LMBRD1: variants seen among roughly 807,000 people sequenced by gnomAD.
The protein encoded by LMBRD1 is lysosomal cobalamin transport escort protein LMBD1.
Under a neutral mutation model 74.8 loss-of-function variants are expected in LMBRD1, and 64 were observed. That is an observed-to-expected ratio of 0.86 (90% CI 0.70 to 1.05). The LOEUF (loss-of-function observed/expected upper bound fraction) is 1.05. Among genes scored for constraint, LMBRD1 ranks in the 50% least tolerant of loss-of-function variants. The pLI is 0.00. For missense variants in LMBRD1, 652 were observed against 645.9 expected, an observed-to-expected ratio of 1.01 and a Z score of -0.10; for synonymous variants, 204 against 216.3, an observed-to-expected ratio of 0.94 and a Z score of 0.50.
intron 3 of LMBRD1, among the ~76,000 whole-genome samples, chr6:69,775,319 GA>G (rs758014546): frequency 5.3e-5 from 8 of 152,264 alleles, no homozygotes; most frequent in Non-Finnish European, 8.8e-5. Context: ...CAGGCAGCCT[GA>G]TTTCTGCCAG....
chr6:69,784,549 G>A (rs529272308), intron 2 of LMBRD1, among the ~76,000 whole-genome samples: 30 of 152,268 alleles, frequency 2.0e-4, no homozygotes, highest in East Asian at 9.7e-4. Context: ...GGTCAAGGAC[G>A]CCACTAAACA....
rs1035901378 is a variant in LMBRD1, at chr6:69,676,439, T to C, written c.1509+11A>G. ...GGAAGGTCAAATCACGCGTGGGATATCTGCACTTACCCCAAGAAAGGCCCA... is the reference window on the plus strand; with the variant it reads ...GGAAGGTCAAATCACGCGTGGGATACCTGCACTTACCCCAAGAAAGGCCCA... On this transcript the variant is annotated intron_variant, in intron 15 of 15. Transcript: ENST00000649934. The C allele has an allele frequency of 6.2e-7, 1 of 1,608,110 alleles. No individual in the cohort carries two copies. Among genetic ancestry groups the C allele is most frequent in the African/African-American group, 1.3e-5 (1 of 74,768 alleles).
At chr6:69,691,593 T>C (rs1387452238) in intron 14 of LMBRD1, among the ~76,000 whole-genome samples, 1 of 152,048 alleles carries the variant, frequency 6.6e-6, no homozygotes, top group Non-Finnish European at 1.5e-5. Flanking sequence ...AAAGAAAGCT[T>C]GGGCCGGGCA....
At chr6:69,676,904 A>G (rs1437532593) in intron 14 of LMBRD1, among the ~76,000 whole-genome samples, 1 of 152,202 alleles carries the variant, frequency 6.6e-6, no homozygotes, top group Non-Finnish European at 1.5e-5. Flanking sequence ...CCTGATGAAC[A>G]TCAAGAAGAA....
intron 14 of LMBRD1, among the ~76,000 whole-genome samples, chr6:69,692,577 A>G (rs1765913815): frequency 6.6e-6 from 1 of 151,832 alleles, no homozygotes; most frequent in African/African-American, 2.4e-5. Context: ...TTGCTATGAT[A>G]ACATACCAAA....
intron 3 of LMBRD1, among the ~76,000 whole-genome samples, chr6:69,773,714 A>G (rs1455017230): frequency 6.6e-6 from 1 of 152,262 alleles, no homozygotes; most frequent in African/African-American, 2.4e-5. Flanking sequence ...ATGAACATCC[A>G]TACAATGGAA....
intron 13 of LMBRD1, 101 bp from the exon 14 acceptor site, chr6:69,697,742 AC>A: frequency 1.5e-6 from 1 of 658,204 alleles, no homozygotes; most frequent in South Asian, 1.8e-5. Flanking sequence ...TATACTAACT[AC>A]ATCTATCTAA....
intron 7 of LMBRD1, among the ~76,000 whole-genome samples, chr6:69,737,633 T>C (rs1017048912): frequency 2.0e-5 from 3 of 150,188 alleles, no homozygotes; most frequent in African/African-American, 4.9e-5. Flanking sequence ...TATAGGCATA[T>C]AGATTTATAA....
At chr6:69,693,327 C>T (rs1183725519) in intron 14 of LMBRD1, among the ~76,000 whole-genome samples, 1 of 151,892 alleles carries the variant, frequency 6.6e-6, no homozygotes, top group East Asian at 1.9e-4. Flanking sequence ...TCATTTGAAA[C>T]CTAATCATTT....
intron 1 of LMBRD1, among the ~76,000 whole-genome samples, chr6:69,794,526 C>G (rs1422780084): frequency 6.6e-6 from 1 of 152,176 alleles, no homozygotes; most frequent in East Asian, 1.9e-4. Context: ...AATTGTCAAA[C>G]TGGTTATTCA....
At chr6:69,762,363 C>G (rs1359851912) in intron 3 of LMBRD1, among the ~76,000 whole-genome samples, 2 of 151,820 alleles carry the variant, frequency 1.3e-5, no homozygotes, top group African/African-American at 4.8e-5. Context: ...GTAATCACAG[C>G]CCTTTGTGTG....
At chr6:69,761,770 G>C (rs908865714) in intron 3 of LMBRD1, among the ~76,000 whole-genome samples, 1 of 144,828 alleles carries the variant, frequency 6.9e-6, no homozygotes, top group African/African-American at 2.6e-5. Flanking sequence ...TCCAAAAAAA[G>C]TTGTTTTGTG....
chr6:69,796,697 T>G, intron 1 of LMBRD1, 116 bp downstream of exon 1: 2 of 933,658 alleles, frequency 2.1e-6, no homozygotes, highest in East Asian at 2.8e-5. Flanking sequence ...CAGTCCAAGC[T>G]AAAAGCGGGG....
intron 2 of LMBRD1, 72 bp from the exon 3 acceptor site, chr6:69,780,626 A>ATTGT: frequency 9.2e-7 from 1 of 1,083,014 alleles, no homozygotes; most frequent in African/African-American, 1.5e-5. Flanking sequence ...TCAAGTTTTA[A>ATTGT]TACGACTGAA....
intron 3 of LMBRD1, among the ~76,000 whole-genome samples, chr6:69,777,239 G>A (rs749923282): frequency 9.9e-5 from 15 of 152,008 alleles, no homozygotes; most frequent in Non-Finnish European, 1.9e-4. Flanking sequence ...ATCACCTGAG[G>A]TCAGGAGTTT....
intron 8 of LMBRD1, among the ~76,000 whole-genome samples, chr6:69,715,027 C>G (rs1009082608): frequency 3.9e-5 from 6 of 152,058 alleles, no homozygotes; most frequent in Non-Finnish European, 8.8e-5. Flanking sequence ...ACATTACATA[C>G]TACAGACTAT....
Position 69,752,346 on chromosome 6 carries a change from A to G in LMBRD1, c.318T>C (p.Ser106=), listed in dbSNP as rs1562112737. The change falls in exon 4 of 16, where the codon TCT becomes TCC. Residue 106 remains serine (S), a synonymous_variant. Transcript: ENST00000649934. ...AGAAGAACACACAGAACAATATAACAGAATATAAAGCTGTGGAAATAAATA... is the reference window on the plus strand; with the variant it reads ...AGAAGAACACACAGAACAATATAACGGAATATAAAGCTGTGGAAATAAATA... ...TVLYGYYTLY[S]VILFCVFFWI... 1.2e-6 allele frequency: 2 copies of G among 1,608,072 alleles called. No individual in the cohort carries two copies. Among genetic ancestry groups the G allele is most frequent in the African/African-American group, 1.3e-5 (1 of 74,934 alleles).
chr6:69,749,273 C>CTTT, intron 5 of LMBRD1, 68 bp downstream of exon 5: 5 of 1,237,256 alleles, frequency 4.0e-6, no homozygotes, highest in Admixed American at 2.1e-5. Flanking sequence ...CTGAATGATC[C>CTTT]TTTTATTTTT....
chr6:69,704,122 T>C (rs1582066687), intron 9 of LMBRD1, among the ~76,000 whole-genome samples: 1 of 152,076 alleles, frequency 6.6e-6, no homozygotes, highest in East Asian at 1.9e-4. Context: ...TTAAATCATG[T>C]AGTAAGGTGG....
Sources: allele counts gnomAD v4.1 joint callset (sites outside exome capture counted in the v4.1 genomes callset), GRCh38; gene constraint gnomAD v4.1.1; transcripts MANE v1.5; gene names NCBI Gene and HGNC (gene_info 2026-07-23, HGNC 2026-07-21).